SPTBN1: variants seen among roughly 807,000 people sequenced by gnomAD.
SPTBN1 encodes spectrin beta, non-erythrocytic 1.
In SPTBN1, 32 loss-of-function variants were observed where a neutral mutation model predicts 266.4. The ratio of observed to expected loss-of-function variants is 0.12; its 90% CI spans 0.09 to 0.16. The LOEUF is 0.16. Among genes scored for constraint, SPTBN1 ranks in the 10% least tolerant of loss-of-function variants. The pLI, the probability that SPTBN1 is intolerant of heterozygous loss-of-function variation, is 1.00. For synonymous variants in SPTBN1, 1,336 were observed against 1,162.2 expected (o/e 1.15, Z -3.04); for missense variants, 2,296 against 3,067.1 (o/e 0.75, Z 5.94).
chr2:54,663,936 A>C (rs933739706), intron 32 of SPTBN1: 1 of 152,632 alleles, frequency 6.6e-6, no homozygotes, highest in East Asian at 1.9e-4. Context: ...GAGGAGAGCC[A>C]GAGAGCATTT....
Position 54,646,596 on chromosome 2 carries a change from G to A in SPTBN1, c.4866+121G>A. ...CCCTTGTAGCCTTTGAGTGTTAAGG[G>A]GACACCATGTGCATGAAGGTGTCTG... On this transcript the variant is annotated intron_variant, in intron 23 of 35. Transcript: ENST00000356805. The surrounding 1 kb of genome is among the most constrained non-coding windows in gnomAD (Gnocchi z 4.4). 8.4e-7 allele frequency: 1 copy of A among 1,184,608 alleles called. No individual in the cohort carries two copies. The highest frequency in any genetic ancestry group is 2.1e-5 in the South Asian group (1 of 46,930). 73.4% of individuals were successfully genotyped at this position (1,184,608 alleles called of 1,614,324 possible). A position where few individuals can be genotyped will look rare whatever the true frequency, so the allele number is the denominator to read the frequency against.
At chr2:54,527,899 A>G (rs994190690) in intron 2 of SPTBN1, 1 of 152,260 alleles carries the variant, frequency 6.6e-6, no homozygotes, top group Non-Finnish European at 1.5e-5. Flanking sequence ...GTCAGTCTCA[A>G]CCAAACAAGT....
At chr2:54,474,549 A>G (rs944190950) in intron 1 of SPTBN1, among the ~76,000 whole-genome samples, 1 of 152,190 alleles carries the variant, frequency 6.6e-6, no homozygotes, top group African/African-American at 2.4e-5. Context: ...AAGCAGTTAG[A>G]CTAGTGCCTG....
intron 1 of SPTBN1, among the ~76,000 whole-genome samples, chr2:54,467,004 C>T (rs193026152): frequency 8.5e-5 from 13 of 152,060 alleles, no homozygotes; most frequent in Middle Eastern, 3.4e-3. Flanking sequence ...TAAGAACTGG[C>T]CGAGAGAGCG....
intron 17 of SPTBN1, among the ~76,000 whole-genome samples, chr2:54,633,797 A>T (rs1254249626): frequency 6.6e-6 from 1 of 152,218 alleles, no homozygotes. Context: ...TTGACTTAAA[A>T]TAAGATGGGT....
chr2:54,610,035 A>G (rs1336948458), intron 3 of SPTBN1, among the ~76,000 whole-genome samples: 1 of 118,186 alleles, frequency 8.5e-6, no homozygotes, highest in Non-Finnish European at 1.8e-5. Context: ...TGAACAGGGC[A>G]CTTTCGTCTG....
chr2:54,667,765 T>TGGGCTCCAGTCACC (rs1217681868), intron 35 of SPTBN1, 119 bp downstream of exon 35: 1 of 886,800 alleles, frequency 1.1e-6, no homozygotes, highest in Admixed American at 2.1e-5. Flanking sequence ...TTTCTATCAC[T>TGGGCTCCAGTCACC]GGGCTCCAGT....
At chr2:54,667,277 G>A (rs756957625) in intron 34 of SPTBN1, among the ~76,000 whole-genome samples, 7 of 152,202 alleles carry the variant, frequency 4.6e-5, no homozygotes, top group Non-Finnish European at 1.0e-4. Context: ...CCTGAACTCA[G>A]TTTAGACCAG....
chr2:54,471,750 A>G (rs1693928540), intron 1 of SPTBN1, among the ~76,000 whole-genome samples: 1 of 149,300 alleles, frequency 6.7e-6, no homozygotes, highest in Non-Finnish European at 1.5e-5. Flanking sequence ...TTTTGAGCAA[A>G]ATTGCTCCTC....
chr2:54,536,898 T>G (rs1671638991), intron 2 of SPTBN1, among the ~76,000 whole-genome samples: 2 of 152,140 alleles, frequency 1.3e-5, no homozygotes, highest in Admixed American at 6.5e-5. Context: ...CTGAACACAG[T>G]GGCACACACC....
At chr2:54,487,613 A>C (rs986569186) in intron 1 of SPTBN1, among the ~76,000 whole-genome samples, 1 of 152,098 alleles carries the variant, frequency 6.6e-6, no homozygotes, top group Non-Finnish European at 1.5e-5. Flanking sequence ...ACATTTCTTC[A>C]TTAATAATTA....
chr2:54,618,241 C>T (rs765239662), intron 7 of SPTBN1, 48 bp downstream of exon 7: 1 of 1,444,358 alleles, frequency 6.9e-7, no homozygotes, highest in South Asian at 1.2e-5. Flanking sequence ...TCTGTACCAT[C>T]CAGGTGTTAA....
intron 2 of SPTBN1, among the ~76,000 whole-genome samples, chr2:54,569,976 C>CG (rs1295829677): frequency 6.8e-6 from 1 of 148,132 alleles, no homozygotes; most frequent in South Asian, 2.2e-4. Context: ...ACCATTCCCC[C>CG]CCCCCTTTAG....
intron 2 of SPTBN1, chr2:54,557,838 C>G (rs904666938): frequency 1.0e-6 from 1 of 985,342 alleles, no homozygotes; most frequent in Non-Finnish European, 1.2e-6. Flanking sequence ...TACACCTCCC[C>G]TGGCTGTGGC....
intron 2 of SPTBN1, among the ~76,000 whole-genome samples, chr2:54,572,771 G>A (rs1423796914): frequency 6.6e-6 from 1 of 152,178 alleles, no homozygotes; most frequent in Non-Finnish European, 1.5e-5. Context: ...GTTCAGCAGT[G>A]GGCTTGACTG....
intron 1 of SPTBN1, among the ~76,000 whole-genome samples, chr2:54,475,756 G>A (rs535470083): frequency 3.9e-5 from 6 of 152,248 alleles, no homozygotes; most frequent in African/African-American, 1.4e-4. Context: ...TACAGCCATC[G>A]GTAAGGCACA....
intron 1 of SPTBN1, among the ~76,000 whole-genome samples, chr2:54,513,188 A>T (rs1202392068): frequency 6.6e-6 from 1 of 152,234 alleles, no homozygotes; most frequent in Non-Finnish European, 1.5e-5. Flanking sequence ...ACAAGCAAGC[A>T]AACAAAAAAG....
intron 2 of SPTBN1, among the ~76,000 whole-genome samples, chr2:54,572,761 G>A (rs56196255): frequency 0.038 from 5,806 of 152,128 alleles, 390 homozygotes; most frequent in African/African-American, 0.13. Context: ...AGTCATACTC[G>A]TTCAGCAGTG....
intron 1 of SPTBN1, among the ~76,000 whole-genome samples, chr2:54,503,789 A>G (rs1424039886): frequency 1.3e-5 from 2 of 152,218 alleles, no homozygotes; most frequent in African/African-American, 4.8e-5. Context: ...TGTGGTTACA[A>G]TGAATGGCTT....
Sources: gnomAD v4.1 joint callset for allele counts (sites outside exome capture counted in the v4.1 genomes callset) on GRCh38, gnomAD v4.1.1 for gene constraint, Gnocchi (gnomAD v3.1) non-coding constraint, MANE v1.5 for transcripts, NCBI Gene and HGNC (gene_info 2026-07-23, HGNC 2026-07-21) for gene names.